Variants in VPS50 observed in about 807,000 individuals in gnomAD.
VPS50 encodes syndetin.
VPS50 carries 70 observed loss-of-function variants against 139.7 expected under a neutral mutation model. The observed-to-expected ratio is 0.50, with a 90% CI of 0.41 to 0.61. The LOEUF is 0.61. Ranked by LOEUF, VPS50 falls within the 20% of genes least tolerant of loss-of-function variation. The pLI is 0.00. For synonymous variants in VPS50, 365 were observed against 376.7 expected (o/e 0.97, Z 0.36); for missense variants, 921 against 1,133.7 (o/e 0.81, Z 2.69).
At chr7:93,254,051 A>G in intron 4 of VPS50, 120 bp downstream of exon 4, 1 of 512,592 alleles carries the variant, frequency 2.0e-6, no homozygotes, top group Non-Finnish European at 3.5e-6. Context: ...AAATCTTGTT[A>G]TTTAACATGA....
At chr7:93,289,924 A>T (rs1240977776) in intron 12 of VPS50, among the ~76,000 whole-genome samples, 1 of 152,086 alleles carries the variant, frequency 6.6e-6, no homozygotes, top group Non-Finnish European at 1.5e-5. Flanking sequence ...CTAACCAAGA[A>T]TAAGGGATTT....
intron 21 of VPS50, among the ~76,000 whole-genome samples, chr7:93,324,809 G>GA (rs1288170893): frequency 6.6e-6 from 1 of 152,124 alleles, no homozygotes; most frequent in Non-Finnish European, 1.5e-5. Flanking sequence ...CAAAGAAATG[G>GA]AAAAACATTC....
chr7:93,240,093 T>C, intron 2 of VPS50, 159 bp downstream of exon 2: 3 of 513,186 alleles, frequency 5.8e-6, no homozygotes, highest in Non-Finnish European at 3.6e-6. Flanking sequence ...GTAGGGCTTG[T>C]TTCATTACAC....
intron 13 of VPS50, among the ~76,000 whole-genome samples, chr7:93,293,532 G>A (rs1032953490): frequency 2.0e-5 from 3 of 152,066 alleles, no homozygotes; most frequent in African/African-American, 7.2e-5. Context: ...ACTATAAAAA[G>A]TTACTTGTTC....
At chr7:93,338,567 G>T (rs192546959) in intron 22 of VPS50, among the ~76,000 whole-genome samples, 1 of 152,280 alleles carries the variant, frequency 6.6e-6, no homozygotes, top group South Asian at 2.1e-4. Flanking sequence ...GAATACAATT[G>T]TAGGGGAAGG....
chr7:93,274,292 T>A (rs1029589906), intron 11 of VPS50, among the ~76,000 whole-genome samples: 1 of 152,104 alleles, frequency 6.6e-6, no homozygotes, highest in Non-Finnish European at 1.5e-5. Context: ...GTACAGAGAA[T>A]AAGTCAATGC....
chr7:93,282,103 C>CT (rs958075570), intron 12 of VPS50, among the ~76,000 whole-genome samples: 2 of 151,936 alleles, frequency 1.3e-5, no homozygotes, highest in Non-Finnish European at 2.9e-5. Flanking sequence ...ACTCGGGAGG[C>CT]TGAGGCAGGA....
intron 23 of VPS50, among the ~76,000 whole-genome samples, chr7:93,343,636 C>T (rs1288961457): frequency 7.9e-5 from 12 of 152,116 alleles, no homozygotes; most frequent in South Asian, 6.2e-4. Flanking sequence ...GCAGATCTCT[C>T]GGCAGAAACT....
At chr7:93,293,577 A>G (rs1796711566) in intron 13 of VPS50, among the ~76,000 whole-genome samples, 2 of 152,214 alleles carry the variant, frequency 1.3e-5, no homozygotes, top group Admixed American at 1.3e-4. Flanking sequence ...CAGGAATAAA[A>G]TTGTAGAAAT....
intron 23 of VPS50, among the ~76,000 whole-genome samples, chr7:93,344,337 C>G (rs984569108): frequency 1.1e-4 from 16 of 152,212 alleles, no homozygotes; most frequent in Admixed American, 3.3e-4. Flanking sequence ...AAAGCAAGTC[C>G]TGAGTGACCT....
Position 93,358,542 on chromosome 7 carries a change from T to A in VPS50, c.*106T>A, listed in dbSNP as rs556271919. ...TGACAACTATCTGCTAAGAAAACTT[T>A]GTGCATGTTTTTTTGACTGGAAAGT... On this transcript the variant is annotated 3_prime_UTR_variant, in exon 28 of 28. Coordinates refer to ENST00000305866, the MANE Select transcript of VPS50 (RefSeq NM_017667.4). 1 of 928,286 alleles carries A rather than the reference T, an allele frequency of 1.1e-6. No individual in the cohort carries two copies. The allele number at this position is 928,286 out of a possible 1,614,324, so 57.5% of individuals were successfully genotyped here. A position where few individuals can be genotyped will look rare whatever the true frequency, so the allele number is the denominator to read the frequency against.
chr7:93,282,926 T>C (rs780492607), intron 12 of VPS50, among the ~76,000 whole-genome samples: 1 of 152,230 alleles, frequency 6.6e-6, no homozygotes, highest in Non-Finnish European at 1.5e-5. Context: ...TTTTGTAGTA[T>C]ATAATTTTAT....
At chr7:93,304,880 T>A (rs1797072093) in intron 17 of VPS50, among the ~76,000 whole-genome samples, 1 of 151,852 alleles carries the variant, frequency 6.6e-6, no homozygotes, top group African/African-American at 2.4e-5. Flanking sequence ...ATAAAAATAA[T>A]GGCATGATTC....
At chr7:93,257,125 C>G (rs1795510896) in intron 5 of VPS50, among the ~76,000 whole-genome samples, 1 of 151,972 alleles carries the variant, frequency 6.6e-6, no homozygotes, top group African/African-American at 2.4e-5. Context: ...TTATTCCTGT[C>G]TACAAGAAGT....
intron 2 of VPS50, among the ~76,000 whole-genome samples, chr7:93,245,369 G>A (rs1487102316): frequency 6.6e-6 from 1 of 151,806 alleles, no homozygotes; most frequent in Non-Finnish European, 1.5e-5. Flanking sequence ...ACCTGTGAAA[G>A]GCACTGGGAT....
intron 24 of VPS50, among the ~76,000 whole-genome samples, 196 bp downstream of exon 24, chr7:93,349,003 T>G (rs931809956): frequency 5.9e-5 from 9 of 152,138 alleles, no homozygotes; most frequent in Admixed American, 5.9e-4. Context: ...ACTTTTAGAC[T>G]AGTGAGAGAG....
At chr7:93,338,738 T>G (rs1197583009) in intron 22 of VPS50, among the ~76,000 whole-genome samples, 1 of 152,166 alleles carries the variant, frequency 6.6e-6, no homozygotes, top group Non-Finnish European at 1.5e-5. Context: ...ATTGAGGCTT[T>G]AAAACCAGGG....
chr7:93,308,776 A>G, intron 18 of VPS50, 48 bp from the exon 19 acceptor site: 3 of 991,372 alleles, frequency 3.0e-6, no homozygotes, highest in Non-Finnish European at 4.8e-6. Context: ...ACACCCCACG[A>G]AAAGAGGCCC....
intron 19 of VPS50, 89 bp downstream of exon 19, chr7:93,309,031 A>G (rs970562088): frequency 3.2e-6 from 2 of 617,822 alleles, no homozygotes; most frequent in Non-Finnish European, 2.7e-6. Context: ...AGAAACAAAA[A>G]TTATTTTTTT....
Sources: gnomAD v4.1 joint callset for allele counts (sites outside exome capture counted in the v4.1 genomes callset) on GRCh38, gnomAD v4.1.1 for gene constraint, MANE v1.5 for transcripts, NCBI Gene and HGNC (gene_info 2026-07-23, HGNC 2026-07-21) for gene names.